The following ERC1 variants were observed in gnomAD, a reference collection of about 807,000 sequenced individuals.
The protein encoded by ERC1 is RAB6 interacting protein 2.
ERC1 carries 56 observed loss-of-function variants against 132.0 expected under a neutral mutation model. That is an observed-to-expected ratio of 0.42 (90% CI 0.34 to 0.53). ERC1 has a LOEUF of 0.53. Among genes scored for constraint, ERC1 ranks in the 20% least tolerant of loss-of-function variants. The pLI is 0.03. For synonymous variants in ERC1, 478 were observed against 476.1 expected, an observed-to-expected ratio of 1.00 and a Z score of -0.05; for missense variants, 1,202 against 1,349.9, an observed-to-expected ratio of 0.89 and a Z score of 1.72.
intron 2 of ERC1, among the ~76,000 whole-genome samples, chr12:1,062,486 C>T (rs1187701763): frequency 1.3e-5 from 2 of 152,066 alleles, no homozygotes; most frequent in Non-Finnish European, 2.9e-5. Context: ...TTAAATTTCT[C>T]CATAGACCCA....
rs1046891130 is a variant in ERC1 at position 1,490,076 on chromosome 12, T to C, written c.3214-17T>C. The C allele has an allele frequency of 6.2e-7, 1 of 1,609,904 alleles. No homozygotes were observed. Among genetic ancestry groups the C allele is most frequent in the Non-Finnish European group, 8.5e-7 (1 of 1,176,614 alleles). On this transcript the variant is annotated splice_polypyrimidine_tract_variant and intron_variant, in intron 18 of 18. Coordinates refer to ENST00000360905, the MANE Select transcript of ERC1 (RefSeq NM_178040.4). ...GGGATTGTTGTATCTGAAATCCATC[T>C]CTCCTTTCCCTTTCAGCTTCAGGAT...
chr12:1,235,636 A>G (rs982748871), intron 12 of ERC1, among the ~76,000 whole-genome samples: 1 of 152,192 alleles, frequency 6.6e-6, no homozygotes, highest in African/African-American at 2.4e-5. Flanking sequence ...ATAATGAGGT[A>G]CTATTTTTTT....
chr12:1,470,413 G>A (rs544691400), intron 18 of ERC1, among the ~76,000 whole-genome samples: 2 of 151,536 alleles, frequency 1.3e-5, no homozygotes, highest in Admixed American at 6.6e-5. Context: ...TTCAGCATTA[G>A]GTTTCTTATT....
intron 13 of ERC1, chr12:1,244,807 G>C: frequency 8.8e-6 from 2 of 228,496 alleles, no homozygotes; most frequent in Non-Finnish European, 1.8e-5. Context: ...GTGTGAACCA[G>C]CACACCTGGC....
chr12:1,353,620 T>G (rs2085247837), intron 15 of ERC1, among the ~76,000 whole-genome samples: 1 of 152,148 alleles, frequency 6.6e-6, no homozygotes, highest in Admixed American at 6.6e-5. Context: ...GGGGGCCACT[T>G]GGCAGCCATG....
At chr12:1,145,110 G>A (rs1363188774) in intron 8 of ERC1, among the ~76,000 whole-genome samples, 4 of 151,628 alleles carry the variant, frequency 2.6e-5, no homozygotes, top group Non-Finnish European at 5.9e-5. Flanking sequence ...TCCGTCTCCC[G>A]GGTTCAAGCA....
chr12:1,394,187 T>C lies in ERC1; in HGVS notation c.2926-13962T>C, dbSNP rs771456155. On this transcript the variant is annotated intron_variant, in intron 16 of 18. Transcript: ENST00000360905. ...AGGCCAAGGCGGGCAGATCACGAGGTCAGGAGATCGAGACCATCCTGGCTA... is the reference window on the plus strand; with the variant it reads ...AGGCCAAGGCGGGCAGATCACGAGGCCAGGAGATCGAGACCATCCTGGCTA... Among the ~76,000 whole-genome samples, 7 of 151,206 alleles carry C rather than the reference T, an allele frequency of 4.6e-5. No homozygotes were observed. The East Asian group carries it at 1.4e-3, about 30-fold the overall frequency.
At chr12:1,269,074 T>G (rs1371491250) in intron 14 of ERC1, among the ~76,000 whole-genome samples, 1 of 152,262 alleles carries the variant, frequency 6.6e-6, no homozygotes, top group Non-Finnish European at 1.5e-5. Context: ...TGCTCATTTA[T>G]TCATTCAACA....
chr12:1,330,792 T>G (rs566591157), intron 15 of ERC1, among the ~76,000 whole-genome samples: 7 of 152,362 alleles, frequency 4.6e-5, no homozygotes, highest in Non-Finnish European at 8.8e-5. Context: ...CTGCAACTCC[T>G]AGTAGACTTA....
intron 1 of ERC1, among the ~76,000 whole-genome samples, chr12:1,021,785 G>A (rs1176529109): frequency 1.3e-5 from 2 of 152,008 alleles, no homozygotes; most frequent in African/African-American, 4.8e-5. Context: ...GCATCCATCT[G>A]AGCCCCTCCA....
intron 18 of ERC1, among the ~76,000 whole-genome samples, chr12:1,473,918 G>C (rs1309510243): frequency 2.0e-5 from 3 of 152,190 alleles, no homozygotes. Flanking sequence ...TTGAGGTTTA[G>C]AGGGATTGTA....
chr12:1,035,572 T>C (rs1002133840), intron 2 of ERC1, among the ~76,000 whole-genome samples: 13 of 152,160 alleles, frequency 8.5e-5, no homozygotes, highest in Non-Finnish European at 1.6e-4. Flanking sequence ...TTTTGGTGTA[T>C]GTTTGACAAA....
intron 8 of ERC1, among the ~76,000 whole-genome samples, chr12:1,171,690 C>T (rs983433045): frequency 6.6e-6 from 1 of 152,136 alleles, no homozygotes; most frequent in Non-Finnish European, 1.5e-5. Context: ...GTTCCTTTCC[C>T]TTAAATGATA....
At chr12:1,430,098 C>T (rs2092748787) in intron 17 of ERC1, among the ~76,000 whole-genome samples, 1 of 152,182 alleles carries the variant, frequency 6.6e-6, no homozygotes, top group African/African-American at 2.4e-5. Flanking sequence ...GTTTGTGCCA[C>T]CTATTGGAAG....
chr12:1,113,466 ATAC>A (rs1231759585), intron 6 of ERC1, among the ~76,000 whole-genome samples: 2 of 152,248 alleles, frequency 1.3e-5, no homozygotes, highest in Non-Finnish European at 2.9e-5. Flanking sequence ...TTACTGACCT[ATAC>A]TAGGCTGTGC....
At chr12:1,390,791 TTGATTGAGTTGAGGTC>T (rs1241372920) in intron 16 of ERC1, 1 of 152,210 alleles carries the variant, frequency 6.6e-6, no homozygotes, top group Non-Finnish European at 1.5e-5. Flanking sequence ...AGTTTCCTAG[TTGATTGAGTTGAGGTC>T]TGATTAAGTT....
intron 13 of ERC1, among the ~76,000 whole-genome samples, chr12:1,257,473 A>G (rs942552324): frequency 2.5e-4 from 38 of 152,234 alleles, no homozygotes; most frequent in African/African-American, 8.9e-4. Context: ...GTGATCTACC[A>G]TAGTCTGATT....
chr12:1,206,638 G>T (rs1957374542), intron 12 of ERC1, among the ~76,000 whole-genome samples: 1 of 152,028 alleles, frequency 6.6e-6, no homozygotes, highest in Non-Finnish European at 1.5e-5. Flanking sequence ...ACCAGAGAGT[G>T]AATACAAAGA....
At chr12:1,446,856 C>T (rs12306339) in intron 18 of ERC1, among the ~76,000 whole-genome samples, 1 of 151,826 alleles carries the variant, frequency 6.6e-6, no homozygotes, top group South Asian at 2.1e-4. Context: ...AAAAATGTAA[C>T]GAACAGTATT....
Sources: allele counts gnomAD v4.1 joint callset (sites outside exome capture counted in the v4.1 genomes callset), GRCh38; gene constraint gnomAD v4.1.1; transcripts MANE v1.5; gene names NCBI Gene and HGNC (gene_info 2026-07-23, HGNC 2026-07-21).